The following ARID2 variants were observed in gnomAD, a reference collection of about 807,000 sequenced individuals.
ARID2 encodes the protein AT-rich interaction domain 2.
A neutral mutation model predicts 184.6 loss-of-function variants in ARID2; 32 were observed. The ratio of observed to expected loss-of-function variants is 0.17; its 90% confidence interval spans 0.13 to 0.23. ARID2 has a LOEUF of 0.23. Among genes scored for constraint, ARID2 ranks in the 10% least tolerant of loss-of-function variants. The pLI is 1.00. For synonymous variants in ARID2, 836 were observed against 772.6 expected (o/e 1.08, Z -1.36); for missense variants, 1,696 against 2,197.6 (o/e 0.77, Z 4.56).
In ARID2 at chr12:45,849,560, A is replaced by G. The variant is rs745559935; in HGVS notation, c.1716-20A>G. On this transcript the variant is annotated intron_variant, in intron 13 of 20. Transcript: ENST00000334344. The stretch of plus-strand genomic sequence containing the variant: ...ATGTGATAGTTATCAAAACTTACTG[A>G]TTATGTATGTACTTTACAGAACGGT... The G allele has an allele frequency of 8.9e-6, 14 of 1,581,104 alleles. No homozygotes were observed. The highest frequency in any genetic ancestry group is 1.2e-5 in the Non-Finnish European group (14 of 1,159,016).
chr12:45,787,735 AG>A (rs1225085071), intron 3 of ARID2, among the ~76,000 whole-genome samples: 1 of 152,208 alleles, frequency 6.6e-6, no homozygotes, highest in Non-Finnish European at 1.5e-5. Context: ...CTAGGCTGTT[AG>A]TATATATTAT....
intron 6 of ARID2, among the ~76,000 whole-genome samples, chr12:45,824,586 C>T (rs995036291): frequency 1.3e-5 from 2 of 151,956 alleles, no homozygotes; most frequent in African/African-American, 4.8e-5. Context: ...TATCATCTCA[C>T]CCCAGTTAGA....
intron 3 of ARID2, among the ~76,000 whole-genome samples, chr12:45,780,210 A>C (rs1428057478): frequency 3.3e-5 from 5 of 152,224 alleles, no homozygotes; most frequent in Non-Finnish European, 7.3e-5. Context: ...ACTGACAATC[A>C]TCTGATGGAA....
intron 16 of ARID2, among the ~76,000 whole-genome samples, chr12:45,872,815 G>A (rs1943947076): frequency 6.6e-6 from 1 of 152,134 alleles, no homozygotes. Flanking sequence ...CTATCTTGGT[G>A]GATGTTCCAT....
intron 3 of ARID2, among the ~76,000 whole-genome samples, chr12:45,734,528 A>G (rs541353532): frequency 6.6e-6 from 1 of 151,906 alleles, no homozygotes; most frequent in Non-Finnish European, 1.5e-5. Flanking sequence ...GTATGAAAGG[A>G]TAAGGTATAG....
At chr12:45,768,898 A>G (rs1451327305) in intron 3 of ARID2, among the ~76,000 whole-genome samples, 1 of 152,194 alleles carries the variant, frequency 6.6e-6, no homozygotes, top group East Asian at 1.9e-4. Flanking sequence ...GGTCAAAGAA[A>G]GAGGAAAAGA....
At chr12:45,861,719 G>A (rs1448373181) in intron 16 of ARID2, among the ~76,000 whole-genome samples, 1 of 151,590 alleles carries the variant, frequency 6.6e-6, no homozygotes, top group Admixed American at 6.6e-5. Context: ...TGAGTAGCTG[G>A]GATTACAGGC....
chr12:45,821,214 T>C (rs190791810), intron 5 of ARID2, among the ~76,000 whole-genome samples: 2 of 152,254 alleles, frequency 1.3e-5, no homozygotes, highest in East Asian at 3.9e-4. Flanking sequence ...TATTATTAAT[T>C]TGTAGGAACA....
rs1944550483 is a variant in ARID2, at chr12:45,907,826, G to GA, written c.*2748_*2749insA. ...ATTCTGTGTTATATATGTGCCTAGT[G>GA]CTCTGTTGGCACTCAATAAATTTTA... On this transcript the variant is annotated 3_prime_UTR_variant, in exon 21 of 21. Transcript: ENST00000334344. 4.3e-6 allele frequency: 1 copy of GA among 231,902 alleles called. No homozygotes were observed. Among genetic ancestry groups the GA allele is most frequent in the Non-Finnish European group, 8.5e-6 (1 of 117,176 alleles). The allele number at this position is 231,902 out of a possible 1,614,324, so 14.4% of individuals were successfully genotyped here. A position where few individuals can be genotyped will look rare whatever the true frequency, so the allele number is the denominator to read the frequency against.
intron 20 of ARID2, among the ~76,000 whole-genome samples, chr12:45,899,270 CAAAAAAAA>C (rs774912363): frequency 2.4e-4 from 11 of 46,336 alleles, no homozygotes; most frequent in African/African-American, 1.5e-3. Flanking sequence ...GACTCTGTCT[CAAAAAAAA>C]AAAAAAAAAA....
intron 4 of ARID2, among the ~76,000 whole-genome samples, chr12:45,812,887 C>T (rs966496720): frequency 8.5e-5 from 13 of 152,104 alleles, no homozygotes; most frequent in African/African-American, 1.9e-4. Context: ...CTTTGGTGTC[C>T]GCTACTACTG....
At chr12:45,892,219 A>G (rs1322592032) in intron 18 of ARID2, 123 bp downstream of exon 18, 3 of 897,304 alleles carry the variant, frequency 3.3e-6, no homozygotes, top group Non-Finnish European at 5.0e-6. Context: ...CAGCTCTGCC[A>G]TGAACCAGCA....
At chr12:45,738,045 A>G (rs1247220916) in intron 3 of ARID2, among the ~76,000 whole-genome samples, 1 of 152,196 alleles carries the variant, frequency 6.6e-6, no homozygotes, top group East Asian at 1.9e-4. Flanking sequence ...TTCCTCACTT[A>G]TTCCTAATTG....
intron 16 of ARID2, chr12:45,881,017 C>A: frequency 5.3e-6 from 1 of 189,058 alleles, no homozygotes; most frequent in African/African-American, 2.3e-5. Flanking sequence ...AAAGCCTGCT[C>A]CTAGGTTGAA....
At chr12:45,899,780 C>T (rs1460418136) in intron 20 of ARID2, among the ~76,000 whole-genome samples, 1 of 123,202 alleles carries the variant, frequency 8.1e-6, no homozygotes, top group African/African-American at 2.8e-5. Flanking sequence ...CCTACTTTAC[C>T]CCCCCCTCCC....
At position 45,811,908 on chromosome 12, in the gene ARID2, C is replaced by T. The variant is rs115774086; in HGVS notation, c.418+357C>T. Reference sequence around the variant, plus strand: ...TTTCTTATAGAGTCTATTAGATTTTCTAACATTAATGGGATTTCCAGCATC... The same window carrying T: ...TTTCTTATAGAGTCTATTAGATTTTTTAACATTAATGGGATTTCCAGCATC... On this transcript the variant is annotated intron_variant, in intron 4 of 20. Transcript: ENST00000334344. Among the ~76,000 whole-genome samples, 799 of 152,146 alleles carry T rather than the reference C, an allele frequency of 5.3e-3. 5 individuals carry two copies. The highest frequency in any genetic ancestry group is 0.018 in the African/African-American group (738 of 41,490).
intron 3 of ARID2, among the ~76,000 whole-genome samples, chr12:45,802,950 T>C (rs1441925943): frequency 6.6e-6 from 1 of 152,138 alleles, no homozygotes; most frequent in Non-Finnish European, 1.5e-5. Flanking sequence ...TTCCCTTCTT[T>C]TCCCCTTCCT....
Position 45,852,655 on chromosome 12 carries a change from A to C in ARID2, c.4532A>C (p.Glu1511Ala), listed in dbSNP as rs1412402523. The change falls in exon 15 of 21, where the codon GAA becomes GCA. Residue 1511 changes from glutamate (E) to alanine (A), a missense_variant. Transcript: ENST00000334344. ...SDVRSTNGTA[E>A]CKTVKRPAED... ...GTTCGGTCTACAAATGGCACAGCAG[A>C]ATGCAAAACTGTAAAGAGGCCAGCA... 1 of 1,614,182 alleles carries C rather than the reference A, an allele frequency of 6.2e-7. No individual in the cohort carries two copies. The highest frequency in any genetic ancestry group is 1.1e-5 in the South Asian group (1 of 91,082).
At chr12:45,856,355 C>A (rs2138187156) in intron 15 of ARID2, among the ~76,000 whole-genome samples, 2 of 152,268 alleles carry the variant, frequency 1.3e-5, no homozygotes, top group Middle Eastern at 6.8e-3. Flanking sequence ...GCGTAAGCCA[C>A]CATGCCTGAC....
Sources: gnomAD v4.1 joint callset for allele counts (sites outside exome capture counted in the v4.1 genomes callset) on GRCh38, gnomAD v4.1.1 for gene constraint, MANE v1.5 for transcripts, NCBI Gene and HGNC (gene_info 2026-07-23, HGNC 2026-07-21) for gene names.